PARD3B: variants seen among roughly 807,000 people sequenced by gnomAD.
The protein encoded by PARD3B is partitioning defective 3 homolog B.
PARD3B carries 103 observed loss-of-function variants against 130.2 expected under a neutral mutation model. The observed-to-expected ratio is 0.79, with a 90% confidence interval of 0.67 to 0.93. PARD3B has a LOEUF of 0.93. Among genes scored for constraint, PARD3B ranks in the 40% least tolerant of loss-of-function variants. PARD3B has a pLI of 0.00. For missense variants in PARD3B, 1,609 were observed against 1,499.2 expected, an observed-to-expected ratio of 1.07 and a Z score of -1.21; for synonymous variants, 583 against 553.2, an observed-to-expected ratio of 1.05 and a Z score of -0.76.
At chr2:204,636,303 C>G (rs887195555) in intron 1 of PARD3B, among the ~76,000 whole-genome samples, 1 of 151,996 alleles carries the variant, frequency 6.6e-6, no homozygotes, top group Non-Finnish European at 1.5e-5. Context: ...AATTTCAGAG[C>G]GCTGTCTTCA....
intron 21 of PARD3B, among the ~76,000 whole-genome samples, chr2:205,536,968 G>C (rs1344952613): frequency 6.6e-6 from 1 of 152,036 alleles, no homozygotes; most frequent in Non-Finnish European, 1.5e-5. Context: ...ACTCCCCCTG[G>C]GAAATTATCC....
intron 3 of PARD3B, among the ~76,000 whole-genome samples, chr2:205,018,341 A>G (rs1358097719): frequency 1.3e-5 from 2 of 152,094 alleles, no homozygotes; most frequent in East Asian, 1.9e-4. Flanking sequence ...AATTGTTTTC[A>G]TGTAATATCC....
chr2:204,784,364 A>G (rs2041937702), intron 2 of PARD3B, among the ~76,000 whole-genome samples: 1 of 151,928 alleles, frequency 6.6e-6, no homozygotes, highest in Non-Finnish European at 1.5e-5. Context: ...TGCGAGGGCT[A>G]TATTTTTGTT....
chr2:205,582,162 C>T lies in PARD3B; in HGVS notation c.3260+28759C>T, dbSNP rs138430029. 4.0e-3 allele frequency among the ~76,000 whole-genome samples: 614 copies of T among 152,264 alleles called. 5 individuals are homozygous for T. Among genetic ancestry groups the T allele is most frequent in the African/African-American group, 0.014 (583 of 41,530 alleles). On this transcript the variant is annotated intron_variant, in intron 22 of 22. Coordinates refer to ENST00000406610, the MANE Select transcript of PARD3B (RefSeq NM_001302769.2). ...GCAAGGCTTGCACAAATCTACTTAGCTCATGTAAGTGAAGTACCGTCCATG... is the reference window on the plus strand; with the variant it reads ...GCAAGGCTTGCACAAATCTACTTAGTTCATGTAAGTGAAGTACCGTCCATG...
chr2:205,460,848 A>G lies in PARD3B; in HGVS notation c.3044+20176A>G, dbSNP rs2048424990. Among the ~76,000 whole-genome samples, 1 of 152,040 alleles carries G rather than the reference A, an allele frequency of 6.6e-6. No homozygotes were observed. Among genetic ancestry groups the G allele is most frequent in the Non-Finnish European group, 1.5e-5 (1 of 68,010 alleles). On this transcript the variant is annotated intron_variant, in intron 20 of 22. Transcript: ENST00000406610. The surrounding 1 kb of genome is among the most constrained non-coding windows in gnomAD (Gnocchi z 4.9). ...ACCACTATTGGTTGAAGTGCCCTTT[A>G]TTTGACCCGTCAAATAGAGGATCTG...
chr2:205,513,114 A>G (rs575685036), intron 21 of PARD3B, among the ~76,000 whole-genome samples: 102 of 152,086 alleles, frequency 6.7e-4, no homozygotes, highest in African/African-American at 2.3e-3. Context: ...TGTGGTTATA[A>G]GGGAATCAGA....
intron 1 of PARD3B, among the ~76,000 whole-genome samples, chr2:204,672,239 T>G (rs2125210025): frequency 6.6e-6 from 1 of 152,338 alleles, no homozygotes; most frequent in Admixed American, 6.5e-5. Flanking sequence ...CTGAAAAGTT[T>G]TAGCTAATTG....
chr2:204,640,944 TATA>T (rs2035055660), intron 1 of PARD3B, among the ~76,000 whole-genome samples: 1 of 147,966 alleles, frequency 6.8e-6, no homozygotes, highest in African/African-American at 2.4e-5. Flanking sequence ...ATTTACTATG[TATA>T]ATATATTTAC....
chr2:204,905,157 T>C (rs2046999865), intron 2 of PARD3B, among the ~76,000 whole-genome samples: 1 of 152,204 alleles, frequency 6.6e-6, no homozygotes, highest in African/African-American at 2.4e-5. Context: ...CCCTAATATA[T>C]AGCAGTACTT....
chr2:205,340,915 C>A (rs1321644631), intron 18 of PARD3B, among the ~76,000 whole-genome samples: 2 of 151,846 alleles, frequency 1.3e-5, no homozygotes, highest in African/African-American at 4.8e-5. Flanking sequence ...AACAAATATC[C>A]AATTAAAATG....
chr2:205,491,754 A>C (rs1392462459), intron 20 of PARD3B, among the ~76,000 whole-genome samples: 1 of 152,192 alleles, frequency 6.6e-6, no homozygotes, highest in African/African-American at 2.4e-5. Flanking sequence ...TAAGACAAGG[A>C]TCTCAAAGGA....
At chr2:204,975,526 G>T (rs1190943291) in intron 3 of PARD3B, among the ~76,000 whole-genome samples, 1 of 152,170 alleles carries the variant, frequency 6.6e-6, no homozygotes, top group East Asian at 1.9e-4. Context: ...CTACCCAAAT[G>T]AGTTCAGCAG....
chr2:205,088,769 G>A (rs943061443), intron 4 of PARD3B, among the ~76,000 whole-genome samples: 1 of 150,132 alleles, frequency 6.7e-6, no homozygotes, highest in Non-Finnish European at 1.5e-5. Context: ...ATAATGCAAA[G>A]TATATAGAAT....
intron 3 of PARD3B, among the ~76,000 whole-genome samples, chr2:204,987,360 A>G (rs1202772963): frequency 6.6e-6 from 1 of 152,282 alleles, no homozygotes; most frequent in Admixed American, 6.5e-5. Flanking sequence ...AAATATTGCC[A>G]GAATAGAATG....
chr2:205,261,050 G>GT (rs965408029), intron 16 of PARD3B, among the ~76,000 whole-genome samples: 28 of 151,966 alleles, frequency 1.8e-4, no homozygotes, highest in Non-Finnish European at 1.3e-4. Flanking sequence ...TTTTTCACTT[G>GT]TTTTTTTGTT....
At chr2:205,354,297 G>C (rs2044107879) in intron 18 of PARD3B, among the ~76,000 whole-genome samples, 1 of 151,814 alleles carries the variant, frequency 6.6e-6, no homozygotes, top group Non-Finnish European at 1.5e-5. Flanking sequence ...TTACCGGTCA[G>C]GGAACCAAGA....
intron 2 of PARD3B, among the ~76,000 whole-genome samples, chr2:204,863,818 T>G (rs1015027140): frequency 2.0e-5 from 3 of 152,216 alleles, no homozygotes; most frequent in Non-Finnish European, 2.9e-5. Context: ...AATAAGTCTT[T>G]GACTTTTCCC....
rs150167008 is a variant in PARD3B, at chr2:205,031,158, T to G, written c.395-16423T>G. 7.2e-5 allele frequency among the ~76,000 whole-genome samples: 11 copies of G among 152,176 alleles called. No individual in the cohort carries two copies. In the East Asian group the frequency reaches 2.1e-3, roughly 29 times the overall value. On this transcript the variant is annotated intron_variant, in intron 3 of 22. Coordinates refer to ENST00000406610, the MANE Select transcript of PARD3B (RefSeq NM_001302769.2). ...AGCTGTGTACGTGAAAGGAACAAATTAAAAGGTTCAGCAATGTCACTGGCA... is the reference window on the plus strand; with the variant it reads ...AGCTGTGTACGTGAAAGGAACAAATGAAAAGGTTCAGCAATGTCACTGGCA...
At chr2:204,804,466 G>A (rs918806429) in intron 2 of PARD3B, among the ~76,000 whole-genome samples, 3 of 152,100 alleles carry the variant, frequency 2.0e-5, no homozygotes, top group African/African-American at 7.2e-5. Flanking sequence ...AAATATACAT[G>A]CACCCAACAG....
Sources: allele counts gnomAD v4.1 joint callset (sites outside exome capture counted in the v4.1 genomes callset), GRCh38; gene constraint gnomAD v4.1.1; non-coding constraint Gnocchi (gnomAD v3.1); transcripts MANE v1.5; gene names NCBI Gene and HGNC (gene_info 2026-07-23, HGNC 2026-07-21).